The following LINGO2 variants were observed in gnomAD, a reference collection of about 807,000 sequenced individuals.
LINGO2 encodes the protein leucine-rich repeat and immunoglobulin-like domain-containing nogo receptor-interacting protein 2.
Under a neutral mutation model 30.6 loss-of-function variants are expected in LINGO2, and 14 were observed. The observed-to-expected ratio is 0.46, with a 90% CI of 0.30 to 0.72. The LOEUF (loss-of-function observed/expected upper bound fraction) is 0.72. Ranked by LOEUF, LINGO2 falls within the 30% of genes least tolerant of loss-of-function variation. The pLI is 0.07. For synonymous variants in LINGO2, 317 were observed against 288.5 expected (o/e 1.10, Z -1.00); for missense variants, 729 against 751.7 (o/e 0.97, Z 0.35).
At chr9:28,341,695 T>A (rs1825770893) in intron 3 of LINGO2, among the ~76,000 whole-genome samples, 1 of 152,180 alleles carries the variant, frequency 6.6e-6, no homozygotes, top group Admixed American at 6.6e-5. Flanking sequence ...TTTAACCATA[T>A]TTAACCACTG....
chr9:28,744,870 C>T, the LINGO2 span, among the ~76,000 whole-genome samples: 4 of 151,796 alleles, frequency 2.6e-5, no homozygotes, highest in East Asian at 5.8e-4. Flanking sequence ...CTCTTGACCT[C>T]GTGATCCACT....
chr9:27,983,106 A>G (rs1314427089), intron 5 of LINGO2, among the ~76,000 whole-genome samples: 4 of 151,900 alleles, frequency 2.6e-5, no homozygotes, highest in African/African-American at 9.7e-5. Context: ...CTAACTATTA[A>G]TAATTGTATA....
At chr9:28,261,505 C>G (rs1243288760) in intron 4 of LINGO2, among the ~76,000 whole-genome samples, 2 of 151,888 alleles carry the variant, frequency 1.3e-5, no homozygotes, top group Non-Finnish European at 2.9e-5. Context: ...ATAGTCAAAT[C>G]TCAAAACAAA....
At chr9:28,432,383 T>C (rs1823713925) in intron 2 of LINGO2, among the ~76,000 whole-genome samples, 1 of 151,580 alleles carries the variant, frequency 6.6e-6, no homozygotes, top group South Asian at 2.1e-4. Flanking sequence ...AATATAAATT[T>C]AATATTTAAA....
At chr9:28,856,994 C>T in the LINGO2 span, among the ~76,000 whole-genome samples, 3 of 152,002 alleles carry the variant, frequency 2.0e-5, no homozygotes, top group Admixed American at 6.6e-5. Flanking sequence ...TGATTCTTGT[C>T]AGAGAAAATG....
chr9:28,288,695 G>T (rs540458671), intron 4 of LINGO2, among the ~76,000 whole-genome samples: 17 of 152,244 alleles, frequency 1.1e-4, no homozygotes, highest in African/African-American at 2.2e-4. Context: ...CAGCCAGAAA[G>T]TATTTAAGAG....
rs184749447 is a variant in LINGO2 at position 28,239,437 on chromosome 9, C to G, written c.-87+55771G>C. Among the ~76,000 whole-genome samples, 215 of 152,224 alleles carry G rather than the reference C, an allele frequency of 1.4e-3. 2 individuals carry two copies. Among genetic ancestry groups the G allele is most frequent in the South Asian group, 2.1e-3 (10 of 4,818 alleles). On this transcript the variant is annotated intron_variant, in intron 4 of 5. Transcript: ENST00000379992. Reference sequence around the variant, plus strand: ...ACAATATATTAAAAATATCATTCATCATGACCAAGTAGGATTTACAACAGG... The same window carrying G: ...ACAATATATTAAAAATATCATTCATGATGACCAAGTAGGATTTACAACAGG...
At chr9:28,800,525 G>C in the LINGO2 span, among the ~76,000 whole-genome samples, 17 of 151,968 alleles carry the variant, frequency 1.1e-4, no homozygotes, top group African/African-American at 4.1e-4. Context: ...TAGATGTATT[G>C]CTCTAGTCTA....
the LINGO2 span, among the ~76,000 whole-genome samples, chr9:29,100,961 A>T: frequency 6.6e-6 from 1 of 152,208 alleles, no homozygotes; most frequent in African/African-American, 2.4e-5. Flanking sequence ...CAAAGGTGTC[A>T]TGTACTAAGG....
intron 4 of LINGO2, among the ~76,000 whole-genome samples, chr9:28,022,816 T>C (rs1823197006): frequency 6.6e-6 from 1 of 152,074 alleles, no homozygotes; most frequent in South Asian, 2.1e-4. Flanking sequence ...TAATTATGTT[T>C]ATGATATACC....
At chr9:28,764,011 G>T in the LINGO2 span, among the ~76,000 whole-genome samples, 1 of 151,434 alleles carries the variant, frequency 6.6e-6, no homozygotes, top group Non-Finnish European at 1.5e-5. Flanking sequence ...CAAATGAGGA[G>T]ATTGAATTAG....
At chr9:28,296,872 C>G (rs1823942628) in intron 3 of LINGO2, among the ~76,000 whole-genome samples, 2 of 152,208 alleles carry the variant, frequency 1.3e-5, no homozygotes, top group East Asian at 3.8e-4. Context: ...CAGTCAACTT[C>G]TAGATGCAAA....
At chr9:28,637,252 G>C (rs1827326206) in intron 1 of LINGO2, among the ~76,000 whole-genome samples, 1 of 152,118 alleles carries the variant, frequency 6.6e-6, no homozygotes, top group Non-Finnish European at 1.5e-5. Context: ...AAATCAGGTA[G>C]CGTGATGCCT....
chr9:28,706,758 T>A, the LINGO2 span, among the ~76,000 whole-genome samples: 1 of 152,118 alleles, frequency 6.6e-6, no homozygotes. Context: ...GTCTCACACT[T>A]GTGTATCACT....
chr9:28,520,860 G>A (rs1820802235), intron 1 of LINGO2, among the ~76,000 whole-genome samples: 2 of 152,124 alleles, frequency 1.3e-5, no homozygotes, highest in Admixed American at 1.3e-4. Flanking sequence ...ATATGCCTTA[G>A]AGCAGGAATA....
At chr9:28,871,577 A>T in the LINGO2 span, among the ~76,000 whole-genome samples, 1 of 151,978 alleles carries the variant, frequency 6.6e-6, no homozygotes, top group African/African-American at 2.4e-5. Context: ...ATATAAAAAT[A>T]TTAAGCTTAG....
chr9:28,476,179 ATG>A lies in LINGO2; in HGVS notation c.-364-156_-364-155del, dbSNP rs576807590. 5.3e-5 allele frequency among the ~76,000 whole-genome samples: 8 copies of A among 152,302 alleles called. No individual in the cohort carries two copies. The East Asian group carries it at 1.5e-3, about 29-fold the overall frequency. On this transcript the variant is annotated intron_variant, in intron 1 of 5. Transcript: ENST00000379992. ...CACAGTAGGGATTAATTCACTTCAC[ATG>A]TGTGTGGTTTTCCATTTTGAAGTTA...
At chr9:28,024,172 C>T (rs1249153464) in intron 4 of LINGO2, among the ~76,000 whole-genome samples, 1 of 152,114 alleles carries the variant, frequency 6.6e-6, no homozygotes, top group East Asian at 1.9e-4. Flanking sequence ...GAGAAATAAC[C>T]ATGCATTTCT....
chr9:29,054,775 T>C, the LINGO2 span, among the ~76,000 whole-genome samples: 1 of 152,084 alleles, frequency 6.6e-6, no homozygotes, highest in African/African-American at 2.4e-5. Context: ...AATACAAACA[T>C]ATATATTTAA....
Sources: allele counts gnomAD v4.1 joint callset (sites outside exome capture counted in the v4.1 genomes callset), GRCh38; gene constraint gnomAD v4.1.1; transcripts MANE v1.5; gene names NCBI Gene and HGNC (gene_info 2026-07-23, HGNC 2026-07-21).